Variants in CDK15 observed in about 807,000 individuals in gnomAD.
CDK15 encodes the protein cyclin-dependent kinase 15.
In CDK15, 62 loss-of-function variants were observed where a neutral mutation model predicts 60.3. The observed-to-expected ratio is 1.03, with a 90% CI of 0.84 to 1.27. The LOEUF is 1.27. Ranked by LOEUF, CDK15 falls within the 50% of genes most tolerant of loss-of-function variation. The pLI is 0.00. For synonymous variants in CDK15, 194 were observed against 195.7 expected (o/e 0.99, Z 0.07); for missense variants, 541 against 527.8 (o/e 1.03, Z -0.25).
chr2:201,818,231 G>A (rs934531763), intron 4 of CDK15, among the ~76,000 whole-genome samples: 4 of 152,146 alleles, frequency 2.6e-5, no homozygotes, highest in African/African-American at 7.2e-5. Flanking sequence ...GCCTAAAGAC[G>A]ACTTTGACTA....
intron 10 of CDK15, 110 bp from the exon 11 acceptor site, chr2:201,872,168 A>G: frequency 8.8e-7 from 1 of 1,134,034 alleles, no homozygotes; most frequent in Non-Finnish European, 1.3e-6. Flanking sequence ...TGATACTTGA[A>G]TCATTTTTTT....
intron 10 of CDK15, among the ~76,000 whole-genome samples, chr2:201,856,807 C>A (rs938751111): frequency 6.6e-6 from 1 of 152,090 alleles, no homozygotes. Flanking sequence ...AAACTTCAGA[C>A]ATTTGGGTTT....
chr2:201,833,489 G>A (rs543853927), intron 6 of CDK15, among the ~76,000 whole-genome samples: 71 of 151,930 alleles, frequency 4.7e-4, no homozygotes, highest in African/African-American at 1.5e-3. Flanking sequence ...CAAGTTCATC[G>A]GTGGGGAAAA....
At chr2:201,862,311 A>G (rs1698435145) in intron 10 of CDK15, among the ~76,000 whole-genome samples, 1 of 152,206 alleles carries the variant, frequency 6.6e-6, no homozygotes, top group African/African-American at 2.4e-5. Context: ...TCACCCAAAC[A>G]TGGTATAGTG....
At chr2:201,827,030 A>C (rs758613525) in intron 6 of CDK15, among the ~76,000 whole-genome samples, 1 of 152,196 alleles carries the variant, frequency 6.6e-6, no homozygotes, top group Non-Finnish European at 1.5e-5. Context: ...ATTCTTTCCC[A>C]CTAGTGCCAT....
In CDK15 at chr2:201,880,017, C is replaced by T. The variant is rs764749397; in HGVS notation, c.1059-11C>T. 5 of 1,612,016 alleles carry T rather than the reference C, an allele frequency of 3.1e-6. No homozygotes were observed. In the South Asian group the frequency reaches 4.4e-5, roughly 14 times the overall value. ...CTGGAGAAACTCTATTTTTCTCTCCCACTTTTCCAGGCTGGGCAGGGTTCC... is the reference window on the plus strand; with the variant it reads ...CTGGAGAAACTCTATTTTTCTCTCCTACTTTTCCAGGCTGGGCAGGGTTCC... On this transcript the variant is annotated splice_polypyrimidine_tract_variant and intron_variant, in intron 11 of 13. Transcript: ENST00000652192.
At chr2:201,853,285 G>T (rs542822628) in intron 9 of CDK15, among the ~76,000 whole-genome samples, 2 of 152,236 alleles carry the variant, frequency 1.3e-5, no homozygotes, top group East Asian at 3.9e-4. Flanking sequence ...TTTTCAGTTT[G>T]TTTAGGGAAT....
intron 10 of CDK15, among the ~76,000 whole-genome samples, chr2:201,863,763 G>T (rs554237989): frequency 1.1e-4 from 16 of 152,314 alleles, no homozygotes; most frequent in Non-Finnish European, 2.1e-4. Context: ...AGGTGTGGTG[G>T]CAGGCACCTG....
rs191772204 is a variant in CDK15 at position 201,852,648 on chromosome 2, C to T, written c.946-2226C>T. On this transcript the variant is annotated intron_variant, in intron 9 of 13. Coordinates refer to ENST00000652192, the MANE Select transcript of CDK15 (RefSeq NM_001366386.2). ...CCCTTCAGACCACTGTGGTTTGAAA[C>T]ATAGCACTCACTGGCTGCCTTTTAA... Among the ~76,000 whole-genome samples, 21 of 152,250 alleles carry T rather than the reference C, an allele frequency of 1.4e-4. No individual in the cohort carries two copies. In the East Asian group the frequency reaches 3.9e-3, roughly 28 times the overall value.
intron 9 of CDK15, among the ~76,000 whole-genome samples, chr2:201,850,425 T>C (rs1243171231): frequency 6.6e-6 from 1 of 152,182 alleles, no homozygotes; most frequent in Non-Finnish European, 1.5e-5. Context: ...CAAAGCCTGA[T>C]CACTCTTTAG....
chr2:201,808,851 CTGT>C (rs1185856904), intron 3 of CDK15: 1 of 151,674 alleles, frequency 6.6e-6, no homozygotes, highest in African/African-American at 2.4e-5. Context: ...AGTATTTATG[CTGT>C]TATTATTATT....
chr2:201,836,920 T>A (rs1559126963), intron 8 of CDK15, among the ~76,000 whole-genome samples: 1 of 152,044 alleles, frequency 6.6e-6, no homozygotes, highest in East Asian at 1.9e-4. Flanking sequence ...CCTCTCTGTG[T>A]CTATGTTTCT....
At position 201,888,994 on chromosome 2, in the gene CDK15, G is replaced by A. The variant is rs1028468320; in HGVS notation, c.1199-1791G>A. Reference sequence around the variant, plus strand: ...CATATTATAATATCCGTGTGAAAATGTCTTATGCATATCAACAAATGGTAT... The same window carrying A: ...CATATTATAATATCCGTGTGAAAATATCTTATGCATATCAACAAATGGTAT... On this transcript the variant is annotated intron_variant, in intron 12 of 13. Transcript: ENST00000652192. 2.7e-5 allele frequency: 27 copies of A among 985,590 alleles called. No homozygotes were observed. The Admixed American group carries it at 1.0e-3, about 38-fold the overall frequency. 61.1% of individuals were successfully genotyped at this position (985,590 alleles called of 1,614,324 possible). A position where few individuals can be genotyped will look rare whatever the true frequency, so the allele number is the denominator to read the frequency against.
Position 201,863,225 on chromosome 2 carries a change from C to A in CDK15, c.1009+8288C>A, listed in dbSNP as rs189344247. On this transcript the variant is annotated intron_variant, in intron 10 of 13. Transcript: ENST00000652192. ...TTTCTACATTTATTTTTAGTTTTCT[C>A]ATCTTTAATTTATTTGGTGTCAATT... Among the ~76,000 whole-genome samples the A allele has an allele frequency of 1.3e-4, 20 of 152,196 alleles. No individual in the cohort carries two copies. The East Asian group carries it at 3.9e-3, about 29-fold the overall frequency.
intron 4 of CDK15, among the ~76,000 whole-genome samples, chr2:201,813,219 C>CA (rs1461139338): frequency 1.3e-5 from 2 of 152,162 alleles, no homozygotes; most frequent in Non-Finnish European, 1.5e-5. Flanking sequence ...GCACTTATCA[C>CA]AGAGTCAGTT....
At chr2:201,871,807 A>T (rs937467842) in intron 10 of CDK15, among the ~76,000 whole-genome samples, 1 of 151,774 alleles carries the variant, frequency 6.6e-6, no homozygotes, top group Non-Finnish European at 1.5e-5. Flanking sequence ...CGTGGGAGGG[A>T]TGTGAGGGAG....
At chr2:201,828,181 A>C (rs1429731230) in intron 6 of CDK15, among the ~76,000 whole-genome samples, 4 of 152,240 alleles carry the variant, frequency 2.6e-5, no homozygotes, top group African/African-American at 9.6e-5. Flanking sequence ...TTGAGGTCCC[A>C]GGTGAGACAG....
At chr2:201,888,569 CT>C (rs1296316289) in intron 12 of CDK15, 34 of 1,464,614 alleles carry the variant, frequency 2.3e-5, no homozygotes, top group African/African-American at 2.9e-5. Context: ...CGCGCTGCAG[CT>C]TTTTTCGTTT....
rs532674798 is a variant in CDK15, at chr2:201,838,573, TA to T, written c.851+2822del. ...GTGTGTGCCACCACACCTGGCTAAT[TA>T]AAAAAAAAAAAGTGTAGAGACAGAG... On this transcript the variant is annotated intron_variant, in intron 8 of 13. Transcript: ENST00000652192. Among the ~76,000 whole-genome samples, 1,202 of 142,762 alleles carry T rather than the reference TA, an allele frequency of 8.4e-3. 10 individuals are homozygous for T. Among genetic ancestry groups the T allele is most frequent in the Middle Eastern group, 0.021 (6 of 282 alleles). The allele number at this position is 142,762 out of a possible 152,430, so 93.7% of individuals were successfully genotyped here.
Sources: gnomAD v4.1 joint callset for allele counts (sites outside exome capture counted in the v4.1 genomes callset) on GRCh38, gnomAD v4.1.1 for gene constraint, MANE v1.5 for transcripts, NCBI Gene and HGNC (gene_info 2026-07-23, HGNC 2026-07-21) for gene names.